TM2D3: variants seen among roughly 807,000 people sequenced by gnomAD.
TM2D3 encodes the protein TM2 domain-containing protein 3.
Under a neutral mutation model 27.3 loss-of-function variants are expected in TM2D3, and 33 were observed. The ratio of observed to expected loss-of-function variants is 1.21; its 90% confidence interval spans 0.92 to 1.61. The LOEUF (loss-of-function observed/expected upper bound fraction) is 1.61. Ranked by LOEUF, TM2D3 falls within the 40% of genes most tolerant of loss-of-function variation. The probability of loss-of-function intolerance (pLI) is 0.00; values close to 1 mark genes in which losing one functional copy is unlikely to be tolerated. For missense variants in TM2D3, 364 were observed against 320.8 expected, an observed-to-expected ratio of 1.13 and a Z score of -1.03; for synonymous variants, 138 against 122.2, an observed-to-expected ratio of 1.13 and a Z score of -0.85.
rs777467843 is a variant in TM2D3, at chr15:101,646,945, C to T, written c.328-46G>A. ...AACTCATCAATCACAATGGTGTAGT[C>T]TGTTAAGATGTCAGTAAGACTACAC... On this transcript the variant is annotated intron_variant, in intron 3 of 5. Transcript: ENST00000333202. 2.5e-6 allele frequency: 4 copies of T among 1,607,026 alleles called. No individual in the cohort carries two copies. In the African/African-American group the frequency reaches 4.0e-5, roughly 16 times the overall value.
chr15:101,645,450 T>C, intron 4 of TM2D3: 1 of 348,854 alleles, frequency 2.9e-6, no homozygotes. Flanking sequence ...GGCATAAAAA[T>C]CACCCAATAG....
intron 4 of TM2D3, chr15:101,634,902 T>C (rs1217841515): frequency 6.6e-6 from 1 of 152,214 alleles, no homozygotes; most frequent in Non-Finnish European, 1.5e-5. Flanking sequence ...CTTATGCCTG[T>C]AATCCCAGCA....
chr15:101,646,779 G>C lies in TM2D3; in HGVS notation c.448C>G (p.Pro150Ala), dbSNP rs371313740. ...CAGTTGGCAGGGTAGCGCTGCCGAG[G>C]ACAGGACACCGTCATGCAGCTGGTG... ...NSTSCMTVSCPRQRYPANCTV... is the reference protein window; with the variant it reads ...NSTSCMTVSCARQRYPANCTV... The change falls in exon 4 of 6, where the codon CCT (proline) becomes GCT (alanine). Residue 150 changes from proline (P) to alanine (A), a missense_variant. Physicochemically the swap from Pro to Ala is conservative, Grantham distance 27. Coordinates refer to ENST00000333202, the MANE Select transcript of TM2D3 (RefSeq NM_078474.3). 2.9e-5 allele frequency: 47 copies of C among 1,614,108 alleles called. No individual in the cohort carries two copies. Among genetic ancestry groups the C allele is most frequent in the Non-Finnish European group, 3.2e-5 (38 of 1,180,042 alleles).
At chr15:101,637,631 TCA>T (rs1319937293), downstream of TM2D3, among the ~76,000 whole-genome samples, 6 of 152,118 alleles carry the variant, frequency 3.9e-5, no homozygotes, top group Non-Finnish European at 8.8e-5. Flanking sequence ...GGAAAAAAGG[TCA>T]GAGTTTAGTC....
At chr15:101,651,879 CATGAAAACCT>C (rs1247582199) in intron 1 of TM2D3, 106 bp from the exon 2 acceptor site, 105 of 1,129,236 alleles carry the variant, frequency 9.3e-5, no homozygotes, top group Non-Finnish European at 1.3e-4. Context: ...ATAAGCTGCT[CATGAAAACCT>C]CACGGCTGGT....
chr15:101,648,150 G>C (rs1245646431), intron 3 of TM2D3: 1 of 152,112 alleles, frequency 6.6e-6, no homozygotes, highest in African/African-American at 2.4e-5. Flanking sequence ...ACCTGCCTCG[G>C]CCTGCCAAAG....
chr15:101,642,344 T>C lies in TM2D3; in HGVS notation c.*135A>G, dbSNP rs976510913. Reference sequence around the variant, plus strand: ...AGCATAGTTCAGCGTTTCATTTATCTTACCTTTATCAAGGCAAACAAAGTA... The same window carrying C: ...AGCATAGTTCAGCGTTTCATTTATCCTACCTTTATCAAGGCAAACAAAGTA... On this transcript the variant is annotated 3_prime_UTR_variant, in exon 6 of 6. Coordinates refer to ENST00000333202, the MANE Select transcript of TM2D3 (RefSeq NM_078474.3). The C allele has an allele frequency of 2.2e-6, 3 of 1,347,906 alleles. No individual in the cohort carries two copies. In the African/African-American group the frequency reaches 4.4e-5, roughly 20 times the overall value. The allele number at this position is 1,347,906 out of a possible 1,614,324, so 83.5% of individuals were successfully genotyped here.
At chr15:101,649,926 A>G in intron 3 of TM2D3, 78 bp downstream of exon 3, 1 of 1,339,854 alleles carries the variant, frequency 7.5e-7, no homozygotes, top group Non-Finnish European at 1.0e-6. Flanking sequence ...ATTTCTTCCC[A>G]ATAATCAAGT....
At chr15:101,651,847 A>G in intron 1 of TM2D3, 74 bp from the exon 2 acceptor site, 1 of 1,510,060 alleles carries the variant, frequency 6.6e-7, no homozygotes, top group African/African-American at 1.4e-5. Context: ...TGTGGTTAAC[A>G]CGGCGGGTCT....
At chr15:101,644,723 T>C (rs988550276) in intron 5 of TM2D3, among the ~76,000 whole-genome samples, 2 of 152,224 alleles carry the variant, frequency 1.3e-5, no homozygotes, top group Admixed American at 6.5e-5. Context: ...GTTTTTGTCA[T>C]TTTCATTTTT....
At chr15:101,644,482 C>T (rs1596264092) in intron 5 of TM2D3, among the ~76,000 whole-genome samples, 1 of 152,204 alleles carries the variant, frequency 6.6e-6, no homozygotes, top group South Asian at 2.1e-4. Flanking sequence ...CCTATGGCTG[C>T]AATGCTGCAG....
rs1006662631 is a variant in TM2D3, at chr15:101,641,900, T to C, written c.*579A>G. On this transcript the variant is annotated 3_prime_UTR_variant, in exon 6 of 6. Transcript: ENST00000333202. Reference sequence around the variant, plus strand: ...TTCAGTACTCTTACCTTTTATATACTACTAAGAAAATTTAAACCATAACTA... The same window carrying C: ...TTCAGTACTCTTACCTTTTATATACCACTAAGAAAATTTAAACCATAACTA... 2.3e-5 allele frequency: 22 copies of C among 977,500 alleles called. No homozygotes were observed. The highest frequency in any genetic ancestry group is 2.6e-5 in the Non-Finnish European group (21 of 822,698). 60.6% of individuals were successfully genotyped at this position (977,500 alleles called of 1,614,324 possible). A position where few individuals can be genotyped will look rare whatever the true frequency, so the allele number is the denominator to read the frequency against.
At chr15:101,639,661 A>G (rs780358266), downstream of TM2D3, among the ~76,000 whole-genome samples, 1 of 152,184 alleles carries the variant, frequency 6.6e-6, no homozygotes, top group Non-Finnish European at 1.5e-5. Context: ...AAGATCTTTG[A>G]AAAAATCTTT....
Position 101,649,561 on chromosome 15 carries a change from G to A in TM2D3, c.327+443C>T, listed in dbSNP as rs1197016083. Among the ~76,000 whole-genome samples, 10 of 152,236 alleles carry A rather than the reference G, an allele frequency of 6.6e-5. 1 individual carries two copies. Among genetic ancestry groups the A allele is most frequent in the African/African-American group, 1.7e-4 (7 of 41,546 alleles). ...GTTCTAGAGAGCTACCAGGCATTCC[G>A]GCATTTACTGAATCCATCTTCTCAC... On this transcript the variant is annotated intron_variant, in intron 3 of 5. Coordinates refer to ENST00000333202, the MANE Select transcript of TM2D3 (RefSeq NM_078474.3).
rs145550796 is a variant in TM2D3, at chr15:101,642,140, A to G, written c.*339T>C. On this transcript the variant is annotated 3_prime_UTR_variant, in exon 6 of 6. Coordinates refer to ENST00000333202, the MANE Select transcript of TM2D3 (RefSeq NM_078474.3). ...TCACAGCTGAAAGACTTTTCAAGGC[A>G]GACTACATTTGGGCTGGAGATACAA... The G allele has an allele frequency of 1.8e-3, 1,763 of 1,003,778 alleles. 17 individuals are homozygous for G. In the African/African-American group the frequency reaches 0.02, roughly 11 times the overall value. 62.2% of individuals were successfully genotyped at this position (1,003,778 alleles called of 1,614,324 possible).
At chr15:101,644,981 T>C in intron 5 of TM2D3, 106 bp downstream of exon 5, 1 of 965,690 alleles carries the variant, frequency 1.0e-6, no homozygotes, top group Non-Finnish European at 1.6e-6. Context: ...ACACACGTGG[T>C]AGGATCTGAG....
intron 3 of TM2D3, among the ~76,000 whole-genome samples, chr15:101,649,209 T>G (rs1896903080): frequency 6.6e-6 from 1 of 152,242 alleles, no homozygotes; most frequent in Non-Finnish European, 1.5e-5. Context: ...CGTGTGGGTT[T>G]TAGGAAGTGT....
At chr15:101,641,278 A>AAACAAAACAG (rs1392323765), downstream of TM2D3, among the ~76,000 whole-genome samples, 14 of 151,756 alleles carry the variant, frequency 9.2e-5, no homozygotes, top group Non-Finnish European at 1.6e-4. Flanking sequence ...CTCGTAAACA[A>AAACAAAACAG]AACAAAACAA....
intron 3 of TM2D3, among the ~76,000 whole-genome samples, chr15:101,647,804 A>G (rs562357477): frequency 6.6e-6 from 1 of 152,302 alleles, no homozygotes; most frequent in East Asian, 1.9e-4. Flanking sequence ...ATTACATTGC[A>G]GTGCATATTT....
Sources: gnomAD v4.1 joint callset for allele counts (sites outside exome capture counted in the v4.1 genomes callset) on GRCh38, gnomAD v4.1.1 for gene constraint, MANE v1.5 for transcripts, NCBI Gene and HGNC (gene_info 2026-07-23, HGNC 2026-07-21) for gene names.